Variants in SYMPK observed in about 807,000 individuals in gnomAD.
SYMPK encodes the protein symplekin.
A neutral mutation model predicts 136.4 loss-of-function variants in SYMPK; 49 were observed. That is an observed-to-expected ratio of 0.36 (90% CI 0.29 to 0.46). The LOEUF is 0.46. Among genes scored for constraint, SYMPK ranks in the 20% least tolerant of loss-of-function variants. SYMPK has a pLI of 1.00. For missense variants in SYMPK, 1,365 were observed against 1,690.0 expected (o/e 0.81, Z 3.37); for synonymous variants, 766 against 713.0 (o/e 1.07, Z -1.19).
intron 1 of SYMPK, among the ~76,000 whole-genome samples, chr19:45,857,442 TAAAC>T (rs1272546799): frequency 9.0e-5 from 12 of 133,374 alleles, no homozygotes; most frequent in South Asian, 2.4e-4. Flanking sequence ...AAACACACAC[TAAAC>T]AAACAAACAT....
chr19:45,828,257 G>T, intron 14 of SYMPK: 1 of 306,184 alleles, frequency 3.3e-6, no homozygotes, highest in Non-Finnish European at 6.3e-6. Flanking sequence ...CCGCTTTGAA[G>T]TTACAGTTGA....
chr19:45,823,407 G>T lies in SYMPK; in HGVS notation c.2665C>A (p.Arg889Ser). 1 of 1,614,034 alleles carries T rather than the reference G, an allele frequency of 6.2e-7. No homozygotes were observed. Among genetic ancestry groups the T allele is most frequent in the South Asian group, 1.1e-5 (1 of 91,082 alleles). ...DLYHKRLPDV[R>S]FLIPVLNGLE... Reference sequence around the variant, plus strand: ...CCATTGAGCACCGGGATGAGGAAGCGGACGTCTGGCAGTCGCTTGTGGTAG... The same window carrying T: ...CCATTGAGCACCGGGATGAGGAAGCTGACGTCTGGCAGTCGCTTGTGGTAG... Residue 889 changes from arginine (R) to serine (S), a missense_variant, in exon 20 of 27, where the codon CGC (arginine) becomes AGC (serine). By Grantham distance (110) the Arg-to-Ser change is moderately radical. This residue lies in a region of SYMPK where 92 missense variants were observed against 198.6 expected (regional missense o/e 0.46). Transcript: ENST00000245934.
chr19:45,828,832 A>G, intron 14 of SYMPK, 138 bp downstream of exon 14: 1 of 783,300 alleles, frequency 1.3e-6, no homozygotes, highest in South Asian at 1.8e-5. Flanking sequence ...GGGGAGGAGG[A>G]GAGGAGACTT....
At chr19:45,849,600 C>G (rs1971649151) in intron 5 of SYMPK, among the ~76,000 whole-genome samples, 1 of 152,176 alleles carries the variant, frequency 6.6e-6, no homozygotes, top group Admixed American at 6.5e-5. Flanking sequence ...CACTGCTATA[C>G]TACAGCCTAA....
At chr19:45,822,967 C>A in intron 20 of SYMPK, 121 bp from the exon 21 acceptor site, 1 of 765,654 alleles carries the variant, frequency 1.3e-6, no homozygotes. Flanking sequence ...TCACTGAGCC[C>A]CTCCTACCCT....
chr19:45,826,138 G>A, intron 17 of SYMPK, 88 bp downstream of exon 17: 3 of 1,512,998 alleles, frequency 2.0e-6, no homozygotes, highest in Non-Finnish European at 2.7e-6. Flanking sequence ...TCGTGTCCGA[G>A]TGGCTTCCCC....
rs1171558010 is a variant in SYMPK at position 45,827,562 on chromosome 19, T to G, written c.2129A>C (p.Gln710Pro). The G allele has an allele frequency of 6.2e-7, 1 of 1,614,116 alleles. No individual in the cohort carries two copies. Among genetic ancestry groups the G allele is most frequent in the East Asian group, 2.2e-5 (1 of 44,884 alleles). Residue 710 changes from glutamine (Q) to proline (P), a missense_variant, in exon 16 of 27, where the codon CAG (glutamine) becomes CCG (proline). Physicochemically the swap from Gln to Pro is moderately conservative, Grantham distance 76. Around this residue, in one of 11 missense-constraint regions of SYMPK, gnomAD observed 303 missense variants for 326.6 expected, o/e 0.93. Coordinates refer to ENST00000245934, the MANE Select transcript of SYMPK (RefSeq NM_004819.3). Reference protein sequence around the residue: ...RDLIFKRPSRQFQYLHVLLDL... With the variant: ...RDLIFKRPSRPFQYLHVLLDL... ...GAGGAGGACATGCAGGTACTGGAAC[T>G]GGCGGGACGGGCGCTTGAAGATCAG...
intron 2 of SYMPK, 50 bp from the exon 3 acceptor site, chr19:45,854,290 G>A (rs1377417092): frequency 1.2e-6 from 2 of 1,610,072 alleles, no homozygotes; most frequent in Non-Finnish European, 1.7e-6. Context: ...GTCCAGCCCA[G>A]TGCAGCCCCC....
chr19:45,835,945 G>GAAAGAAAGAAAGAAA (rs1971291478), intron 10 of SYMPK, among the ~76,000 whole-genome samples: 1 of 150,900 alleles, frequency 6.6e-6, no homozygotes, highest in African/African-American at 2.4e-5. Context: ...AAGAAAGAAA[G>GAAAGAAAGAAAGAAA]CAAAAAGAGG....
rs2146302053 is a variant in SYMPK at position 45,821,421 on chromosome 19, A to G, written c.2856T>C (p.Ile952=). The change falls in exon 22 of 27, where the codon ATT becomes ATC. Residue 952 remains isoleucine, a synonymous_variant. Transcript: ENST00000245934. This position sits in a 1 kb window ranked among gnomAD's most constrained non-coding sequence, Gnocchi z 4.4. ...PGELLIALHN[I]DSVKCDMKSI... is the part of the protein sequence containing the mutation. Reference sequence around the variant, plus strand: ...ATTTCATGTCGCACTTCACGGAGTCAATGTTGTGTAATGCGATCAGGAGCT... The same window carrying G: ...ATTTCATGTCGCACTTCACGGAGTCGATGTTGTGTAATGCGATCAGGAGCT... The G allele has an allele frequency of 6.2e-7, 1 of 1,614,026 alleles. No individual in the cohort carries two copies. The highest frequency in any genetic ancestry group is 8.5e-7 in the Non-Finnish European group (1 of 1,179,992).
intron 1 of SYMPK, among the ~76,000 whole-genome samples, chr19:45,856,742 T>G (rs578168427): frequency 9.5e-4 from 145 of 152,242 alleles, no homozygotes; most frequent in African/African-American, 3.4e-3. Flanking sequence ...GAGGATCAAT[T>G]GAGCTCAGGA....
At chr19:45,837,001 G>A (rs888606058) in intron 10 of SYMPK, among the ~76,000 whole-genome samples, 7 of 152,126 alleles carry the variant, frequency 4.6e-5, no homozygotes, top group African/African-American at 1.7e-4. Context: ...GCTTACATTG[G>A]AAAAGATAAC....
At position 45,831,479 on chromosome 19, in the gene SYMPK, C is replaced by A. The variant is rs181234868; in HGVS notation, c.1503G>T (p.Ser501=). 1.2e-6 allele frequency: 2 copies of A among 1,610,868 alleles called. No homozygotes were observed. The highest frequency in any genetic ancestry group is 1.3e-5 in the African/African-American group (1 of 74,946). The change falls in exon 12 of 27, where the codon TCG becomes TCT. Residue 501 remains serine, a synonymous_variant. Transcript: ENST00000245934. Reference sequence around the variant, plus strand: ...ACATGGAGCTCAGGGAACCCACCACCGAGATGGCTTGGCCCTGGGCTGACA... The same window carrying A: ...ACATGGAGCTCAGGGAACCCACCACAGAGATGGCTTGGCCCTGGGCTGACA... ...RRLSAQGQAI[S]VVGSLSSMSP...
chr19:45,819,590 G>C (rs1044102883), intron 22 of SYMPK: 1 of 152,250 alleles, frequency 6.6e-6, no homozygotes, highest in African/African-American at 2.4e-5. Context: ...CCAGTCCCAG[G>C]CCACCCCTCT....
In SYMPK at chr19:45,854,447, G is replaced by C; in HGVS notation, c.49C>G (p.Gln17Glu). 1 of 1,614,118 alleles carries C rather than the reference G, an allele frequency of 6.2e-7. No individual in the cohort carries two copies. Among genetic ancestry groups the C allele is most frequent in the Non-Finnish European group, 8.5e-7 (1 of 1,180,030 alleles). The change falls in exon 2 of 27, where the codon CAG (glutamine) becomes GAG (glutamate). Residue 17 changes from glutamine (Q) to glutamate (E), a missense_variant. By Grantham distance (29) the Gln-to-Glu change is conservative (BLOSUM62 2). This residue lies in a region of SYMPK where 61 missense variants were observed against 80.7 expected (regional missense o/e 0.76). Coordinates refer to ENST00000245934, the MANE Select transcript of SYMPK (RefSeq NM_004819.3). Reference sequence around the variant, plus strand: ...GGCCCCTCCTCTTGAGTGAAAAACTGTGATGCCACGCTCCGACGGGTGACG... The same window carrying C: ...GGCCCCTCCTCTTGAGTGAAAAACTCTGATGCCACGCTCCGACGGGTGACG... ...DSVTRRSVAS[Q>E]FFTQEEGPGI...
chr19:45,831,344 A>G (rs201239763), intron 12 of SYMPK, 40 bp downstream of exon 12: 1 of 1,450,284 alleles, frequency 6.9e-7, no homozygotes, highest in East Asian at 2.5e-5. Context: ...CCTTCAGGGT[A>G]GGGCTCCTGT....
intron 1 of SYMPK, among the ~76,000 whole-genome samples, chr19:45,858,630 C>G (rs1971889441): frequency 6.6e-6 from 1 of 152,178 alleles, no homozygotes; most frequent in Non-Finnish European, 1.5e-5. Context: ...ATTCTCCTGC[C>G]TCAGCCTCCC....
intron 8 of SYMPK, chr19:45,842,799 C>T: frequency 3.2e-6 from 1 of 316,314 alleles, no homozygotes; most frequent in Non-Finnish European, 5.9e-6. Flanking sequence ...GTTATAATCA[C>T]CACTTTTGCC....
chr19:45,858,841 C>A (rs1321281842), intron 1 of SYMPK, among the ~76,000 whole-genome samples: 1 of 151,898 alleles, frequency 6.6e-6, no homozygotes, highest in Admixed American at 6.6e-5. Flanking sequence ...ATTTTAACTT[C>A]CTCTCGATCC....
Sources: gnomAD v4.1 joint callset for allele counts (sites outside exome capture counted in the v4.1 genomes callset) on GRCh38, gnomAD v4.1.1 for gene constraint, gnomAD v4.1.1 regional missense constraint, Gnocchi (gnomAD v3.1) non-coding constraint, MANE v1.5 for transcripts, NCBI Gene and HGNC (gene_info 2026-07-23, HGNC 2026-07-21) for gene names.